The following ABI3BP variants were observed in gnomAD, a reference collection of about 807,000 sequenced individuals.
ABI3BP encodes the protein target of Nesh-SH3.
In ABI3BP, 216 loss-of-function variants were observed where a neutral mutation model predicts 268.6. The ratio of observed to expected loss-of-function variants is 0.80; its 90% CI spans 0.72 to 0.90. ABI3BP has a LOEUF of 0.90. Among genes scored for constraint, ABI3BP ranks in the 40% least tolerant of loss-of-function variants. The pLI is 0.00. For missense variants in ABI3BP, 2,090 were observed against 2,182.4 expected (o/e 0.96, Z 0.84); for synonymous variants, 730 against 730.0 (o/e 1.00, Z 0.00).
At chr3:100,820,133 A>G in intron 40 of ABI3BP, 87 bp downstream of exon 40, 1 of 1,180,234 alleles carries the variant, frequency 8.5e-7, no homozygotes, top group South Asian at 1.4e-5. Flanking sequence ...TGGTACTCAC[A>G]CAGGCCATCA....
intron 2 of ABI3BP, among the ~76,000 whole-genome samples, chr3:100,923,436 A>T (rs558575958): frequency 6.6e-6 from 1 of 152,340 alleles, no homozygotes; most frequent in African/African-American, 2.4e-5. Flanking sequence ...TATTATAGTT[A>T]ACCAAAGTAA....
intron 1 of ABI3BP, chr3:100,945,622 AT>A: frequency 2.2e-6 from 1 of 449,060 alleles, no homozygotes; most frequent in Non-Finnish European, 4.5e-6. Flanking sequence ...ATTCAGCATC[AT>A]TTTTATGAGA....
intron 1 of ABI3BP, 96 bp from the exon 2 acceptor site, chr3:100,926,577 C>A: frequency 3.5e-6 from 4 of 1,157,674 alleles, no homozygotes; most frequent in Non-Finnish European, 5.0e-6. Context: ...AGGCATTGTT[C>A]TTGAAAAACA....
intron 2 of ABI3BP, chr3:100,912,227 T>A (rs568089488): frequency 1.5e-5 from 2 of 134,034 alleles, no homozygotes; most frequent in African/African-American, 6.1e-5. Flanking sequence ...ACTTCATTAA[T>A]CTAAAACGCG....
chr3:100,953,727 G>T (rs946278499), intron 1 of ABI3BP, among the ~76,000 whole-genome samples: 1 of 152,034 alleles, frequency 6.6e-6, no homozygotes, highest in African/African-American at 2.4e-5. Flanking sequence ...TCTAGGCAAA[G>T]GTTTATGGAG....
chr3:100,785,187 G>A (rs1422860994), intron 57 of ABI3BP, among the ~76,000 whole-genome samples: 1 of 152,156 alleles, frequency 6.6e-6, no homozygotes, highest in Non-Finnish European at 1.5e-5. Context: ...AGGAAAATGT[G>A]AGATGGATAA....
At chr3:100,780,079 C>A (rs2096824749) in intron 58 of ABI3BP, 53 bp downstream of exon 58, 2 of 1,560,336 alleles carry the variant, frequency 1.3e-6, no homozygotes, top group Non-Finnish European at 8.8e-7. Flanking sequence ...ACTGCAGTTA[C>A]CATCCAAGTT....
At chr3:100,912,090 AAC>A in intron 2 of ABI3BP, 1 of 656,636 alleles carries the variant, frequency 1.5e-6, no homozygotes, top group Non-Finnish European at 2.8e-6. Flanking sequence ...CCTTAAGAAG[AAC>A]ACCTTCCGTG....
At chr3:100,871,480 CA>C (rs1421334477) in intron 9 of ABI3BP, among the ~76,000 whole-genome samples, 2 of 152,150 alleles carry the variant, frequency 1.3e-5, no homozygotes, top group Non-Finnish European at 2.9e-5. Context: ...TGAATTCCCA[CA>C]TGTTGCGGGA....
At chr3:100,926,512 G>A in intron 1 of ABI3BP, 31 bp from the exon 2 acceptor site, 3 of 1,594,172 alleles carry the variant, frequency 1.9e-6, no homozygotes, top group Non-Finnish European at 2.6e-6. Context: ...ATCGATGGCT[G>A]TTACTTCCCC....
At chr3:100,791,927 A>C (rs1382169289) in intron 55 of ABI3BP, among the ~76,000 whole-genome samples, 1 of 151,870 alleles carries the variant, frequency 6.6e-6, no homozygotes, top group Non-Finnish European at 1.5e-5. Flanking sequence ...AATGGGCAAC[A>C]TACATTTATT....
chr3:100,772,548 T>C (rs1371006224), intron 61 of ABI3BP, among the ~76,000 whole-genome samples: 3 of 152,116 alleles, frequency 2.0e-5, no homozygotes, highest in Admixed American at 2.0e-4. Flanking sequence ...TGTGATAAAT[T>C]AAAGATACAT....
chr3:100,758,183 T>G (rs1359276625), intron 63 of ABI3BP, among the ~76,000 whole-genome samples: 2 of 152,120 alleles, frequency 1.3e-5, no homozygotes, highest in Non-Finnish European at 2.9e-5. Flanking sequence ...AAACATGGGT[T>G]CTAGAACCAG....
chr3:100,874,453 A>G (rs1224738306), intron 9 of ABI3BP, among the ~76,000 whole-genome samples: 1 of 152,208 alleles, frequency 6.6e-6, no homozygotes, highest in Admixed American at 6.5e-5. Context: ...AAGCAATATC[A>G]ATCTCAAGTA....
intron 1 of ABI3BP, among the ~76,000 whole-genome samples, chr3:100,968,413 A>T (rs537927699): frequency 6.6e-6 from 1 of 152,222 alleles, no homozygotes; most frequent in Non-Finnish European, 1.5e-5. Flanking sequence ...TACAAGAAAT[A>T]CATAGTATTT....
chr3:100,836,594 A>G (rs568041227), intron 27 of ABI3BP, among the ~76,000 whole-genome samples: 1 of 152,332 alleles, frequency 6.6e-6, no homozygotes, highest in South Asian at 2.1e-4. Context: ...ATTGCCTTCA[A>G]ACAAAACAGA....
intron 10 of ABI3BP, among the ~76,000 whole-genome samples, chr3:100,865,342 C>T (rs902751447): frequency 6.6e-6 from 1 of 152,134 alleles, no homozygotes; most frequent in Non-Finnish European, 1.5e-5. Flanking sequence ...AAGGATGACT[C>T]TGGGCTAAAA....
At chr3:100,782,782 A>G (rs2096908323) in intron 57 of ABI3BP, among the ~76,000 whole-genome samples, 1 of 152,180 alleles carries the variant, frequency 6.6e-6, no homozygotes. Flanking sequence ...TCAGTAAGAG[A>G]AAGGAGAAAA....
In ABI3BP at chr3:100,778,294, T is replaced by C. The variant is rs2150197560; in HGVS notation, c.4323A>G (p.Pro1441=). 1 of 1,613,750 alleles carries C rather than the reference T, an allele frequency of 6.2e-7. No individual in the cohort carries two copies. The highest frequency in any genetic ancestry group is 8.5e-7 in the Non-Finnish European group (1 of 1,179,768). ...PLPPNNVTGK[P]GSAGIISSGP... ...ACATGACTAACGTACCTGCACTTCC[T>C]GGCTTTCCAGTGACATTATTTGGTG... Residue 1441 remains proline, a synonymous_variant, in exon 59 of 68, where the codon CCA becomes CCG. Coordinates refer to ENST00000471714, the MANE Select transcript of ABI3BP (RefSeq NM_001375547.2).
Sources: allele counts gnomAD v4.1 joint callset (sites outside exome capture counted in the v4.1 genomes callset), GRCh38; gene constraint gnomAD v4.1.1; transcripts MANE v1.5; gene names NCBI Gene and HGNC (gene_info 2026-07-23, HGNC 2026-07-21).